Variants in CDH23 observed in about 807,000 individuals in gnomAD.
The protein encoded by CDH23 is cadherin related 23.
A neutral mutation model predicts 317.1 loss-of-function variants in CDH23; 189 were observed. The observed-to-expected ratio is 0.60, with a 90% CI of 0.53 to 0.67. The LOEUF is 0.67. Among genes scored for constraint, CDH23 ranks in the 30% least tolerant of loss-of-function variants. The pLI, the probability that CDH23 is intolerant of heterozygous loss-of-function variation, is 0.00. For missense variants in CDH23, 4,401 were observed against 4,592.4 expected, an observed-to-expected ratio of 0.96 and a Z score of 1.20; for synonymous variants, 1,839 against 1,876.8, an observed-to-expected ratio of 0.98 and a Z score of 0.52.
chr10:71,466,465 AGT>A (rs1220488955), intron 3 of CDH23, among the ~76,000 whole-genome samples: 2 of 151,604 alleles, frequency 1.3e-5, no homozygotes, highest in East Asian at 1.9e-4. Context: ...TGCATGTGAG[AGT>A]GTGTGAGTGT....
chr10:71,642,588 C>T (rs746845385), intron 11 of CDH23, among the ~76,000 whole-genome samples: 17 of 151,874 alleles, frequency 1.1e-4, no homozygotes, highest in Admixed American at 3.9e-4. Flanking sequence ...TTTGTAAAGA[C>T]GGGGTTTCAC....
intron 1 of CDH23, among the ~76,000 whole-genome samples, chr10:71,434,902 C>T (rs569035797): frequency 1.6e-4 from 25 of 152,282 alleles, no homozygotes; most frequent in Non-Finnish European, 2.5e-4. Context: ...CCACCCACCA[C>T]CCCAGCCATC....
chr10:71,451,066 G>A (rs1156396990), intron 3 of CDH23, among the ~76,000 whole-genome samples: 1 of 152,066 alleles, frequency 6.6e-6, no homozygotes, highest in African/African-American at 2.4e-5. Flanking sequence ...AGTTGCCCAG[G>A]CCAAAAGCTG....
intron 9 of CDH23, among the ~76,000 whole-genome samples, chr10:71,589,737 C>T (rs1431920740): frequency 1.3e-5 from 2 of 152,198 alleles, no homozygotes; most frequent in African/African-American, 2.4e-5. Context: ...CAGGACCTTC[C>T]CCCAACCCCT....
chr10:71,800,689 C>G lies in CDH23; in HGVS notation c.7416C>G (p.Ile2472Met). Reference sequence around the variant, plus strand: ...ACCGGGAGAAGAAGGACCACTATATCCTGACTGCCTTGGCCAAAGACAACC... The same window carrying G: ...ACCGGGAGAAGAAGGACCACTATATGCTGACTGCCTTGGCCAAAGACAACC... ...SLDREKKDHYILTALAKDNPG... is the reference protein window; with the variant it reads ...SLDREKKDHYMLTALAKDNPG... Residue 2472 changes from isoleucine (I) to methionine (M), a missense_variant, in exon 53 of 70, where the codon ATC becomes ATG. By Grantham distance (10) the Ile-to-Met change is conservative (BLOSUM62 1). Coordinates refer to ENST00000224721, the MANE Select transcript of CDH23 (RefSeq NM_022124.6). 1.2e-6 allele frequency: 2 copies of G among 1,613,998 alleles called. No individual in the cohort carries two copies. The highest frequency in any genetic ancestry group is 1.7e-6 in the Non-Finnish European group (2 of 1,179,888).
At chr10:71,530,586 A>G (rs1180802827) in intron 6 of CDH23, among the ~76,000 whole-genome samples, 2 of 152,130 alleles carry the variant, frequency 1.3e-5, no homozygotes, top group Non-Finnish European at 2.9e-5. Context: ...CTTGCAGGTG[A>G]GCAGAGCTAT....
intron 19 of CDH23, 82 bp downstream of exon 19, chr10:71,687,801 C>A: frequency 1.6e-6 from 2 of 1,248,714 alleles, no homozygotes; most frequent in Non-Finnish European, 2.3e-6. Context: ...CAGACCCCGG[C>A]TCTGCACACA....
At chr10:71,690,241 T>C (rs1295527831) in intron 19 of CDH23, among the ~76,000 whole-genome samples, 1 of 152,160 alleles carries the variant, frequency 6.6e-6, no homozygotes, top group African/African-American at 2.4e-5. Context: ...TCATGAGCCT[T>C]GTCCCCACCC....
chr10:71,642,544 G>A (rs534110366), intron 11 of CDH23, among the ~76,000 whole-genome samples: 29 of 152,006 alleles, frequency 1.9e-4, no homozygotes, highest in South Asian at 4.2e-4. Context: ...GATTACAGGC[G>A]TGCATCAACA....
intron 20 of CDH23, among the ~76,000 whole-genome samples, chr10:71,692,587 C>T (rs1313019564): frequency 1.3e-5 from 2 of 152,206 alleles, no homozygotes; most frequent in African/African-American, 4.8e-5. Context: ...TTGGGCAGAC[C>T]TTTGTGAGTC....
intron 9 of CDH23, among the ~76,000 whole-genome samples, chr10:71,610,607 T>C (rs1039241922): frequency 6.6e-6 from 1 of 152,200 alleles, no homozygotes; most frequent in African/African-American, 2.4e-5. Flanking sequence ...GTGATGTGAT[T>C]GTGCAAACAG....
chr10:71,458,678 CA>C (rs1458376132), intron 3 of CDH23, among the ~76,000 whole-genome samples: 4 of 152,200 alleles, frequency 2.6e-5, no homozygotes, highest in African/African-American at 9.7e-5. Context: ...TTACTCAGTT[CA>C]AAATTGTGGA....
intron 11 of CDH23, among the ~76,000 whole-genome samples, chr10:71,637,897 C>A (rs957539154): frequency 6.6e-6 from 1 of 151,392 alleles, no homozygotes; most frequent in South Asian, 2.1e-4. Context: ...CTGAGGCCAC[C>A]CTGCCTTCAC....
At chr10:71,735,439 T>C (rs1324776942) in intron 34 of CDH23, among the ~76,000 whole-genome samples, 1 of 152,018 alleles carries the variant, frequency 6.6e-6, no homozygotes, top group Admixed American at 6.5e-5. Context: ...GGGGTTGCAA[T>C]GGGAGTGGGT....
In CDH23 at chr10:71,784,289, G is replaced by T. The variant is rs1554873145; in HGVS notation, c.5371G>T (p.Glu1791Ter). The T allele has an allele frequency of 1.2e-6, 2 of 1,613,214 alleles. No individual in the cohort carries two copies. The highest frequency in any genetic ancestry group is 1.7e-6 in the Non-Finnish European group (2 of 1,179,370). Residue 1791 changes from glutamate (E) to a stop codon, truncating the protein, a stop_gained and splice_region_variant, in exon 42 of 70, where the codon GAG becomes TAG. Transcript: ENST00000224721. LOFTEE classifies it high-confidence loss of function. The stretch of plus-strand genomic sequence containing the variant: ...GGGCCTCTCCTGGTGACACCCAGGG[G>T]AGTTTGTGATCTCTCCTGTGGAGGG... ...YSIMDGDPLG[E>*]FVISPVEGVL...
Position 71,810,000 on chromosome 10 carries a change from T to C in CDH23, c.8903T>C (p.Val2968Ala), listed in dbSNP as rs765847991. The change falls in exon 61 of 70, where the codon GTG becomes GCG. Residue 2968 changes from valine (V) to alanine (A), a missense_variant. Around this residue, in one of 3 missense-constraint regions of CDH23, gnomAD observed 1,144 missense variants for 1,138.2 expected, o/e 1.01. Coordinates refer to ENST00000224721, the MANE Select transcript of CDH23 (RefSeq NM_022124.6). ...KIVINEIPDR[V>A]RGFEEEFIHL... ...GTCATTAACGAGATCCCCGACCGTGTGCGCGGCTTCGAGGAGGAGTTCATC... is the reference window on the plus strand; with the variant it reads ...GTCATTAACGAGATCCCCGACCGTGCGCGCGGCTTCGAGGAGGAGTTCATC... 6.2e-6 allele frequency: 10 copies of C among 1,612,452 alleles called. No individual in the cohort carries two copies. The highest frequency in any genetic ancestry group is 5.0e-5 in the Admixed American group (3 of 60,026).
At chr10:71,607,028 TC>T (rs376394005) in intron 9 of CDH23, among the ~76,000 whole-genome samples, 55 of 152,338 alleles carry the variant, frequency 3.6e-4, no homozygotes, top group African/African-American at 1.3e-3. Flanking sequence ...CCAGATGCCA[TC>T]CAGGATGCAG....
At chr10:71,668,701 G>C (rs1308133414) in intron 14 of CDH23, among the ~76,000 whole-genome samples, 1 of 152,152 alleles carries the variant, frequency 6.6e-6, no homozygotes, top group Non-Finnish European at 1.5e-5. Context: ...TGTCAGAGGG[G>C]CACCCTCTTG....
At chr10:71,432,912 C>T (rs1849464484) in intron 1 of CDH23, among the ~76,000 whole-genome samples, 3 of 152,150 alleles carry the variant, frequency 2.0e-5, no homozygotes, top group South Asian at 2.1e-4. Flanking sequence ...CTCCCAGCTC[C>T]CAGAGTCTCC....
Sources: gnomAD v4.1 joint callset for allele counts (sites outside exome capture counted in the v4.1 genomes callset) on GRCh38, gnomAD v4.1.1 for gene constraint, gnomAD v4.1.1 regional missense constraint, MANE v1.5 for transcripts, NCBI Gene and HGNC (gene_info 2026-07-23, HGNC 2026-07-21) for gene names.